Variants in CTNNA3 observed in about 807,000 individuals in gnomAD.
The protein encoded by CTNNA3 is catenin alpha 3, also known as catenin alpha-3.
A neutral mutation model predicts 95.7 loss-of-function variants in CTNNA3; 76 were observed. That is an observed-to-expected ratio of 0.79 (90% CI 0.66 to 0.96). The LOEUF (loss-of-function observed/expected upper bound fraction) is 0.96. Among genes scored for constraint, CTNNA3 ranks in the 40% least tolerant of loss-of-function variants. The pLI, the probability that CTNNA3 is intolerant of heterozygous loss-of-function variation, is 0.00. For missense variants in CTNNA3, 1,191 were observed against 1,089.8 expected (o/e 1.09, Z -1.31); for synonymous variants, 431 against 374.4 (o/e 1.15, Z -1.74).
intron 12 of CTNNA3, among the ~76,000 whole-genome samples, chr10:66,333,612 G>A (rs944154058): frequency 2.0e-5 from 3 of 151,928 alleles, no homozygotes; most frequent in African/African-American, 4.8e-5. Context: ...TACAATTTCT[G>A]TTCTTTTACA....
chr10:66,609,451 T>A (rs1280714094), intron 10 of CTNNA3, among the ~76,000 whole-genome samples: 2 of 150,272 alleles, frequency 1.3e-5, no homozygotes, highest in Non-Finnish European at 3.0e-5. Flanking sequence ...GCAAGGTACA[T>A]GAACACTTTT....
intron 1 of CTNNA3, among the ~76,000 whole-genome samples, chr10:67,688,368 G>A (rs1405781983): frequency 6.6e-6 from 1 of 152,138 alleles, no homozygotes; most frequent in Non-Finnish European, 1.5e-5. Flanking sequence ...AGGAAGGGGA[G>A]CTATAGGGAG....
intron 11 of CTNNA3, among the ~76,000 whole-genome samples, chr10:66,410,901 C>A (rs553603620): frequency 1.3e-5 from 2 of 152,028 alleles, no homozygotes; most frequent in South Asian, 2.1e-4. Context: ...TTTAAACCAG[C>A]GGAACTCTTA....
At chr10:67,661,117 G>A (rs965820992) in intron 1 of CTNNA3, among the ~76,000 whole-genome samples, 3 of 151,866 alleles carry the variant, frequency 2.0e-5, no homozygotes, top group South Asian at 2.1e-4. Context: ...TGCAATACAT[G>A]TATATGTATA....
intron 3 of CTNNA3, among the ~76,000 whole-genome samples, chr10:67,559,977 G>A (rs946330202): frequency 6.6e-6 from 1 of 152,118 alleles, no homozygotes; most frequent in Non-Finnish European, 1.5e-5. Flanking sequence ...CCAAGAAATA[G>A]GGGACTATGT....
intron 9 of CTNNA3, among the ~76,000 whole-genome samples, chr10:66,664,114 C>T (rs1222192984): frequency 6.6e-6 from 1 of 151,856 alleles, no homozygotes; most frequent in Admixed American, 6.6e-5. Flanking sequence ...AATTTTTTAT[C>T]ATATACAAAA....
intron 7 of CTNNA3, among the ~76,000 whole-genome samples, chr10:67,106,447 A>G (rs983198218): frequency 4.6e-5 from 7 of 152,242 alleles, no homozygotes; most frequent in African/African-American, 1.7e-4. Flanking sequence ...ATTTAGTTTC[A>G]GAAAGAATGG....
intron 4 of CTNNA3, among the ~76,000 whole-genome samples, chr10:67,536,524 T>C (rs1345939176): frequency 1.3e-5 from 2 of 152,134 alleles, no homozygotes; most frequent in East Asian, 3.8e-4. Context: ...CACTGAAGTT[T>C]CTCCACTATG....
intron 12 of CTNNA3, among the ~76,000 whole-genome samples, chr10:66,372,205 T>C (rs1219492817): frequency 1.3e-5 from 2 of 152,208 alleles, no homozygotes; most frequent in African/African-American, 2.4e-5. Context: ...CCAAAACTAA[T>C]ACTTAATACT....
intron 13 of CTNNA3, among the ~76,000 whole-genome samples, chr10:66,235,024 C>A (rs1174588530): frequency 2.0e-5 from 3 of 152,194 alleles, no homozygotes; most frequent in African/African-American, 7.2e-5. Flanking sequence ...GAACTGAATT[C>A]TGTCAATGAC....
intron 13 of CTNNA3, among the ~76,000 whole-genome samples, chr10:66,137,392 A>G (rs1564688332): frequency 6.6e-6 from 1 of 152,176 alleles, no homozygotes. Flanking sequence ...ACCAAATGTA[A>G]AAAAACAAAG....
chr10:65,921,320 A>G (rs770745562), intron 17 of CTNNA3, among the ~76,000 whole-genome samples: 2 of 152,240 alleles, frequency 1.3e-5, no homozygotes, highest in African/African-American at 2.4e-5. Flanking sequence ...TCTCAAAAAC[A>G]CTAAATACCT....
chr10:66,840,362 TCTCTCTCTCTCACACACACACACA>T (rs1843018083), intron 7 of CTNNA3, among the ~76,000 whole-genome samples: 1 of 98,538 alleles, frequency 1.0e-5, no homozygotes, highest in African/African-American at 6.3e-5. Context: ...TCTCTCTCTC[TCTCTCTCTCTCACACACACACACA>T]CACACACACA....
At chr10:67,081,301 A>T (rs946626213) in intron 7 of CTNNA3, among the ~76,000 whole-genome samples, 1 of 152,228 alleles carries the variant, frequency 6.6e-6, no homozygotes, top group South Asian at 2.1e-4. Flanking sequence ...AGTGACAAGC[A>T]GTGAAATATG....
intron 5 of CTNNA3, among the ~76,000 whole-genome samples, chr10:67,306,786 T>A (rs766192744): frequency 1.1e-4 from 17 of 151,628 alleles, no homozygotes; most frequent in Non-Finnish European, 1.9e-4. Flanking sequence ...GTGGATTTTT[T>A]TAAAAAAAAA....
chr10:67,289,943 G>A (rs1255864395), intron 5 of CTNNA3, among the ~76,000 whole-genome samples: 2 of 151,642 alleles, frequency 1.3e-5, no homozygotes, highest in Admixed American at 1.3e-4. Flanking sequence ...AGGACTGCAG[G>A]CATATACCAC....
At position 67,755,318 on chromosome 10, in the gene CTNNA3, T is replaced by G. The variant is rs180753007; in HGVS notation, c.-2+8116A>C. The stretch of plus-strand genomic sequence containing the variant: ...AGATATCATCTCACCCCAGTTTAAA[T>G]TGTTCTTATAAAAAAGACAAGCAAT... On this transcript the variant is annotated intron_variant, in intron 1 of 17. Coordinates refer to the CTNNA3 transcript ENST00000684154. 8.4e-4 allele frequency among the ~76,000 whole-genome samples: 128 copies of G among 152,176 alleles called. 1 individual carries two copies. Among genetic ancestry groups the G allele is most frequent in the African/African-American group, 2.7e-3 (113 of 41,522 alleles).
intron 13 of CTNNA3, among the ~76,000 whole-genome samples, chr10:66,122,286 TA>T (rs1270634748): frequency 6.6e-6 from 1 of 152,122 alleles, no homozygotes; most frequent in East Asian, 1.9e-4. Context: ...TGTCATTACC[TA>T]CTTCCCAAAT....
chr10:66,371,530 G>A (rs1401342881), intron 12 of CTNNA3, among the ~76,000 whole-genome samples: 1 of 152,104 alleles, frequency 6.6e-6, no homozygotes, highest in Non-Finnish European at 1.5e-5. Context: ...CTGCTGAAGG[G>A]CAATGTTCTT....
Sources: allele counts gnomAD v4.1 joint callset (sites outside exome capture counted in the v4.1 genomes callset), GRCh38; gene constraint gnomAD v4.1.1; transcripts MANE v1.5; gene names NCBI Gene and HGNC (gene_info 2026-07-23, HGNC 2026-07-21).